PLA2G7: variants seen among roughly 807,000 people sequenced by gnomAD.
PLA2G7 encodes the protein phospholipase A2 group VII.
Under a neutral mutation model 49.6 loss-of-function variants are expected in PLA2G7, and 63 were observed. The observed-to-expected ratio is 1.27, with a 90% confidence interval of 1.04 to 1.57. PLA2G7 has a LOEUF of 1.57. Among genes scored for constraint, PLA2G7 ranks in the 40% most tolerant of loss-of-function variants. PLA2G7 has a pLI of 0.00. For missense variants in PLA2G7, 596 were observed against 521.2 expected (o/e 1.14, Z -1.40); for synonymous variants, 193 against 169.9 (o/e 1.14, Z -1.06).
At chr6:46,705,806 C>T (rs985544189) in intron 10 of PLA2G7, among the ~76,000 whole-genome samples, 1 of 152,250 alleles carries the variant, frequency 6.6e-6, no homozygotes, top group Non-Finnish European at 1.5e-5. Context: ...ATCATTTGCA[C>T]TGCTCTGTAA....
In PLA2G7 at chr6:46,712,314, A is replaced by G. The variant is rs1326036981; in HGVS notation, c.494T>C (p.Ile165Thr). 6.2e-7 allele frequency: 1 copy of G among 1,612,408 alleles called. No individual in the cohort carries two copies. The change falls in exon 6 of 12, where the codon ATT (isoleucine) becomes ACT (threonine). Residue 165 changes from isoleucine (I) to threonine (T), a missense_variant. Ile to Thr is a moderately conservative substitution (Grantham distance 89). Transcript: ENST00000274793. ...TATAAACCCATGAGATGCCAGGTCA[A>G]TGCCAATAGCAGAATAAAGTGTCCT... is the stretch of plus-strand genomic sequence containing the variant. ...AFRTLYSAIG[I>T]DLASHGFIVA...
At chr6:46,717,709 C>CTTTTTTTTTTTTTTTTT (rs760308042) in intron 2 of PLA2G7, among the ~76,000 whole-genome samples, 1 of 116,206 alleles carries the variant, frequency 8.6e-6, no homozygotes, top group Non-Finnish European at 1.6e-5. Flanking sequence ...TTTCTTTTTT[C>CTTTTTTTTTTTTTTTTT]TTTTTCTTTT....
intron 1 of PLA2G7, among the ~76,000 whole-genome samples, chr6:46,725,837 C>T (rs890363667): frequency 9.9e-5 from 15 of 152,252 alleles, no homozygotes; most frequent in Middle Eastern, 3.4e-3. Flanking sequence ...AAGGGGGCCA[C>T]GGGTGGCATT....
intron 1 of PLA2G7, among the ~76,000 whole-genome samples, chr6:46,726,616 A>G (rs566745345): frequency 3.0e-4 from 46 of 152,192 alleles, no homozygotes; most frequent in African/African-American, 1.0e-3. Flanking sequence ...ATCTATTACC[A>G]TAACCCCAAT....
chr6:46,718,172 C>T (rs1449059685), intron 2 of PLA2G7, among the ~76,000 whole-genome samples: 1 of 152,204 alleles, frequency 6.6e-6, no homozygotes, highest in African/African-American at 2.4e-5. Context: ...GATCTTGACC[C>T]CTTCAAATGC....
rs1280055546 is a variant in PLA2G7, at chr6:46,717,074, T to C, written c.132A>G (p.Val44=). 1.9e-6 allele frequency: 3 copies of C among 1,613,738 alleles called. No individual in the cohort carries two copies. The highest frequency in any genetic ancestry group is 3.3e-4 in the Middle Eastern group (2 of 6,060). Reference sequence around the variant, plus strand: ...GGCCAAAGCTTGCAGCAGCCATCAGTACTTGTATTTTGTTGACCCATGCTG... The same window carrying C: ...GGCCAAAGCTTGCAGCAGCCATCAGCACTTGTATTTTGTTGACCCATGCTG... ...KSSAWVNKIQ[V]LMAAASFGQT... Residue 44 remains valine (V), a synonymous_variant, in exon 3 of 12, where the codon GTA becomes GTG. Transcript: ENST00000274793.
chr6:46,708,031 A>AT lies in PLA2G7; in HGVS notation c.999dup (p.Cys334MetfsTer5), dbSNP rs1346786610. The AT allele has an allele frequency of 4.4e-6, 7 of 1,588,376 alleles. No individual in the cohort carries two copies. Among genetic ancestry groups the AT allele is most frequent in the Non-Finnish European group, 5.2e-6 (6 of 1,157,064 alleles). On this transcript the variant is annotated frameshift_variant, in exon 10 of 12. Coordinates refer to ENST00000274793, the MANE Select transcript of PLA2G7 (RefSeq NM_005084.4). LOFTEE classifies it high-confidence loss of function. ...TTTCTTTCTTTATCAGGTGAGTAGCATTTTTTCATTTTTATGATATTAGCA... is the reference window on the plus strand; with the variant it reads ...TTTCTTTCTTTATCAGGTGAGTAGCATTTTTTTCATTTTTATGATATTAGCA...
rs200454121 is a variant in PLA2G7, at chr6:46,714,528, C to T, written c.402G>A (p.Trp134Ter). ...TTTCACCAGGCCTCAGAGGGGAATT[C>T]CAGTTTGCAGGAGTTGTCATTGAAC... The part of the protein sequence containing the change: ...LFGSMTTPAN[W>*]NSPLRPGEKY... Residue 134 changes from tryptophan to a stop codon, truncating the protein, a stop_gained, in exon 5 of 12, where the codon TGG (tryptophan) becomes TGA (stop). Transcript: ENST00000274793. LOFTEE classifies it high-confidence loss of function. The T allele has an allele frequency of 3.1e-6, 5 of 1,610,928 alleles. No individual in the cohort carries two copies. The highest frequency in any genetic ancestry group is 4.2e-6 in the Non-Finnish European group (5 of 1,177,580).
chr6:46,734,897 C>A (rs564687105), intron 1 of PLA2G7, among the ~76,000 whole-genome samples: 1 of 152,304 alleles, frequency 6.6e-6, no homozygotes, highest in African/African-American at 2.4e-5. Flanking sequence ...GTGTTCCCTG[C>A]CTGTCCTGAT....
chr6:46,718,294 A>G (rs945797018), intron 2 of PLA2G7, among the ~76,000 whole-genome samples: 3 of 152,218 alleles, frequency 2.0e-5, no homozygotes, highest in African/African-American at 7.2e-5. Context: ...GGAGGAATGT[A>G]TTGTAATCTT....
rs1026137353 is a variant in PLA2G7 at position 46,704,381 on chromosome 6, T to C, written c.*179A>G. ...AAAAAATTCTTAGTCCAAGCTTCAA[T>C]CACGATTACAGTATAGCCTACATTT... On this transcript the variant is annotated 3_prime_UTR_variant, in exon 12 of 12. Coordinates refer to ENST00000274793, the MANE Select transcript of PLA2G7 (RefSeq NM_005084.4). The C allele has an allele frequency of 1.7e-6, 1 of 594,678 alleles. No individual in the cohort carries two copies. The highest frequency in any genetic ancestry group is 2.8e-5 in the East Asian group (1 of 35,416). 36.8% of individuals were successfully genotyped at this position (594,678 alleles called of 1,614,324 possible).
Position 46,716,403 on chromosome 6 carries a change from G to A in PLA2G7, c.357C>T (p.Asn119=). 14 of 1,614,064 alleles carry A rather than the reference G, an allele frequency of 8.7e-6. No individual in the cohort carries two copies. Among genetic ancestry groups the A allele is most frequent in the Non-Finnish European group, 1.2e-5 (14 of 1,179,976 alleles). The change falls in exon 4 of 12, where the codon AAC becomes AAT. Residue 119 remains asparagine (N), a synonymous_variant. Transcript: ENST00000274793. ...KFLGTHWLMG[N]ILRLLFGSMT... ...TCTTACCAAAGAGTAACCTCAAAAT[G>A]TTGCCCATAAGCCAGTGTGTTCCAA... is the stretch of plus-strand genomic sequence containing the variant.
rs368946627 is a variant in PLA2G7 at position 46,704,441 on chromosome 6, T to TTCTCTCTCTCTCTCTC, written c.*103_*118dup. The TTCTCTCTCTCTCTCTC allele has an allele frequency of 2.5e-5, 14 of 552,848 alleles. No individual in the cohort carries two copies. Among genetic ancestry groups the TTCTCTCTCTCTCTCTC allele is most frequent in the African/African-American group, 2.0e-4 (10 of 51,062 alleles). The allele number at this position is 552,848 out of a possible 1,614,324, so 34.2% of individuals were successfully genotyped here. ...AGTCCTTTGGGAAAATACATTAAAA[T>TTCTCTCTCTCTCTCTC]TCTCTCTCTCTCTCTCTCTCTCTCT... On this transcript the variant is annotated 3_prime_UTR_variant, in exon 12 of 12. Coordinates refer to ENST00000274793, the MANE Select transcript of PLA2G7 (RefSeq NM_005084.4).
chr6:46,710,738 T>G (rs2150695210), intron 7 of PLA2G7, 80 bp from the exon 8 acceptor site: 1 of 1,121,914 alleles, frequency 8.9e-7, no homozygotes, highest in South Asian at 1.3e-5. Context: ...GAAGCTGTAT[T>G]TGGGAAAAAT....
intron 1 of PLA2G7, 145 bp downstream of exon 1, chr6:46,735,035 G>A (rs1244057180): frequency 2.0e-5 from 3 of 152,172 alleles, no homozygotes; most frequent in Non-Finnish European, 4.4e-5. Flanking sequence ...AGGGCTGCAG[G>A]GACTGTGAGC....
At position 46,705,306 on chromosome 6, in the gene PLA2G7, AAG is replaced by A. The variant is rs1444661441; in HGVS notation, c.1041-7_1041-6del. On this transcript the variant is annotated splice_polypyrimidine_tract_variant and splice_region_variant and intron_variant, in intron 10 of 11. Coordinates refer to ENST00000274793, the MANE Select transcript of PLA2G7 (RefSeq NM_005084.4). ...AAATTCTGGTGGACTGAACCCCTAA[AAG>A]AGAACAAGACATTTAAAAGTCACAT... 12 of 1,609,098 alleles carry A rather than the reference AAG, an allele frequency of 7.5e-6. No individual in the cohort carries two copies. Among genetic ancestry groups the A allele is most frequent in the Non-Finnish European group, 1.0e-5 (12 of 1,176,012 alleles).
At chr6:46,706,239 T>C (rs376858978) in intron 10 of PLA2G7, among the ~76,000 whole-genome samples, 2 of 152,202 alleles carry the variant, frequency 1.3e-5, no homozygotes, top group East Asian at 3.8e-4. Flanking sequence ...TGCTGGTTCT[T>C]ATAAGCAACC....
At chr6:46,723,693 C>T (rs1474370519) in intron 1 of PLA2G7, among the ~76,000 whole-genome samples, 5 of 152,102 alleles carry the variant, frequency 3.3e-5, no homozygotes, top group African/African-American at 1.2e-4. Flanking sequence ...TCCAAGCCAC[C>T]ATCATCTCTT....
chr6:46,723,074 T>C, intron 1 of PLA2G7, 149 bp from the exon 2 acceptor site: 1 of 606,376 alleles, frequency 1.6e-6, no homozygotes, highest in East Asian at 3.0e-5. Context: ...GGTACTACAA[T>C]GGTAAAATCC....
Sources: allele counts gnomAD v4.1 joint callset (sites outside exome capture counted in the v4.1 genomes callset), GRCh38; gene constraint gnomAD v4.1.1; transcripts MANE v1.5; gene names NCBI Gene and HGNC (gene_info 2026-07-23, HGNC 2026-07-21).